Variants in CTNNA3 observed in about 807,000 individuals in gnomAD.
CTNNA3 encodes the protein catenin alpha 3, also known as catenin alpha-3.
In CTNNA3, 76 loss-of-function variants were observed where a neutral mutation model predicts 95.7. That is an observed-to-expected ratio of 0.79 (90% CI 0.66 to 0.96). The LOEUF is 0.96. CTNNA3 is among the 40% of genes least tolerant of loss of function. The probability of loss-of-function intolerance (pLI) is 0.00; values close to 1 mark genes in which losing one functional copy is unlikely to be tolerated. For synonymous variants in CTNNA3, 431 were observed against 374.4 expected, an observed-to-expected ratio of 1.15 and a Z score of -1.74; for missense variants, 1,191 against 1,089.8, an observed-to-expected ratio of 1.09 and a Z score of -1.31.
intron 13 of CTNNA3, among the ~76,000 whole-genome samples, chr10:66,231,263 A>T (rs1022210530): frequency 6.6e-6 from 1 of 152,126 alleles, no homozygotes; most frequent in African/African-American, 2.4e-5. Flanking sequence ...CTTGGCTTGC[A>T]GACAATCCTG....
intron 5 of CTNNA3, among the ~76,000 whole-genome samples, chr10:67,265,583 C>T (rs569659165): frequency 6.6e-6 from 1 of 152,238 alleles, no homozygotes; most frequent in South Asian, 2.1e-4. Flanking sequence ...TGCCCACACA[C>T]ACCTCCCTCC....
chr10:67,646,111 TC>T (rs1212628366), intron 2 of CTNNA3, among the ~76,000 whole-genome samples: 1 of 150,670 alleles, frequency 6.6e-6, no homozygotes, highest in African/African-American at 2.4e-5. Context: ...GTGTTTTTAT[TC>T]TTTTTTTTAA....
At chr10:67,101,223 C>T (rs1858319365) in intron 7 of CTNNA3, among the ~76,000 whole-genome samples, 1 of 151,554 alleles carries the variant, frequency 6.6e-6, no homozygotes, top group African/African-American at 2.4e-5. Flanking sequence ...AGGAAAGAAA[C>T]CCCAAGGAAA....
intron 5 of CTNNA3, among the ~76,000 whole-genome samples, chr10:67,457,547 T>C (rs2132982272): frequency 1.3e-5 from 2 of 152,332 alleles, no homozygotes; most frequent in South Asian, 4.1e-4. Flanking sequence ...AACAGTTTTA[T>C]ATTGATGTTC....
chr10:66,968,532 G>A (rs1046534598), intron 7 of CTNNA3, among the ~76,000 whole-genome samples: 1 of 151,782 alleles, frequency 6.6e-6, no homozygotes, highest in East Asian at 1.9e-4. Flanking sequence ...AAAAAAACGT[G>A]GTTAGAAGCG....
At chr10:67,010,664 C>T (rs552068523) in intron 7 of CTNNA3, among the ~76,000 whole-genome samples, 1 of 152,248 alleles carries the variant, frequency 6.6e-6, no homozygotes, top group Admixed American at 6.5e-5. Context: ...TCAGTAGCTG[C>T]TAGGAATTTT....
At chr10:67,450,459 A>G (rs1846934758) in intron 5 of CTNNA3, among the ~76,000 whole-genome samples, 1 of 152,240 alleles carries the variant, frequency 6.6e-6, no homozygotes, top group Non-Finnish European at 1.5e-5. Context: ...TACAAAAAAG[A>G]ATGAGATCAT....
At chr10:67,734,129 T>C (rs941803073) in intron 1 of CTNNA3, among the ~76,000 whole-genome samples, 3 of 152,282 alleles carry the variant, frequency 2.0e-5, no homozygotes, top group South Asian at 2.1e-4. Flanking sequence ...TTAAATAGCC[T>C]TCCTCTTTTC....
At chr10:65,986,290 A>G (rs559597998) in intron 16 of CTNNA3, among the ~76,000 whole-genome samples, 1 of 147,346 alleles carries the variant, frequency 6.8e-6, no homozygotes, top group Non-Finnish European at 1.5e-5. Context: ...AAATAAAAAT[A>G]TATATACAAA....
chr10:66,471,395 AAATTT>A (rs1302341860), intron 11 of CTNNA3, among the ~76,000 whole-genome samples: 24 of 151,876 alleles, frequency 1.6e-4, no homozygotes, highest in Admixed American at 1.1e-3. Flanking sequence ...TTTCTAACTT[AAATTT>A]AAGTTTTCAA....
At chr10:66,407,618 T>C (rs1006901805) in intron 11 of CTNNA3, among the ~76,000 whole-genome samples, 1 of 151,954 alleles carries the variant, frequency 6.6e-6, no homozygotes, top group African/African-American at 2.4e-5. Flanking sequence ...TCTCGCTCTG[T>C]CACCCGGGCT....
At chr10:66,155,061 C>G (rs568139418) in intron 13 of CTNNA3, among the ~76,000 whole-genome samples, 1 of 151,706 alleles carries the variant, frequency 6.6e-6, no homozygotes, top group Non-Finnish European at 1.5e-5. Flanking sequence ...AGGTGGCAGG[C>G]AATTTGGCCT....
chr10:66,318,000 A>C (rs2092124694), intron 12 of CTNNA3, among the ~76,000 whole-genome samples: 1 of 152,086 alleles, frequency 6.6e-6, no homozygotes, highest in Non-Finnish European at 1.5e-5. Context: ...CAAAATATGA[A>C]AAAGGTGGAA....
At chr10:66,643,012 G>C (rs1005788326) in intron 9 of CTNNA3, among the ~76,000 whole-genome samples, 1 of 152,088 alleles carries the variant, frequency 6.6e-6, no homozygotes, top group Non-Finnish European at 1.5e-5. Context: ...TAGATACATA[G>C]ATACACATAT....
Position 67,607,013 on chromosome 10 carries a change from TGG to T in CTNNA3, c.134_135del (p.Ser45Ter). The T allele has an allele frequency of 6.2e-7, 1 of 1,614,084 alleles. No homozygotes were observed. Among genetic ancestry groups the T allele is most frequent in the Non-Finnish European group, 8.5e-7 (1 of 1,179,982 alleles). Reference sequence around the variant, plus strand: ...CTTTTCGAACGTCCTTTTTTCCTGCTGGAAGGGTTCTGGGGACAGTTTACAAG... The same window carrying T: ...CTTTTCGAACGTCCTTTTTTCCTGCTAAGGGTTCTGGGGACAGTTTACAAG... ...TTLVNCPQNPSSRKKGRSKRA... is the reference protein window; with the variant it reads ...TTLVNCPQNPXSRKKGRSKRA... On this transcript the variant is annotated frameshift_variant, in exon 3 of 18. Transcript: ENST00000433211. LOFTEE classifies it high-confidence loss of function.
At chr10:67,567,548 T>C (rs570587300) in intron 3 of CTNNA3, among the ~76,000 whole-genome samples, 6 of 152,136 alleles carry the variant, frequency 3.9e-5, no homozygotes, top group African/African-American at 7.2e-5. Context: ...ATGTAATCTA[T>C]GCAAGTAATA....
intron 5 of CTNNA3, among the ~76,000 whole-genome samples, chr10:67,492,818 C>T: frequency 6.6e-6 from 1 of 152,150 alleles, no homozygotes; most frequent in East Asian, 1.9e-4. Context: ...ATACTTACAT[C>T]CACCCAACAA....
chr10:66,399,561 TA>T (rs2093004315), intron 11 of CTNNA3, among the ~76,000 whole-genome samples: 1 of 151,938 alleles, frequency 6.6e-6, no homozygotes, highest in South Asian at 2.1e-4. Flanking sequence ...TTAAAGGAAC[TA>T]AATAAGAACT....
intron 10 of CTNNA3, among the ~76,000 whole-genome samples, chr10:66,586,265 A>T (rs981571986): frequency 6.6e-6 from 1 of 152,154 alleles, no homozygotes; most frequent in Non-Finnish European, 1.5e-5. Context: ...GTGCCCACAG[A>T]TAAACACAGG....
Sources: gnomAD v4.1 joint callset for allele counts (sites outside exome capture counted in the v4.1 genomes callset) on GRCh38, gnomAD v4.1.1 for gene constraint, MANE v1.5 for transcripts, NCBI Gene and HGNC (gene_info 2026-07-23, HGNC 2026-07-21) for gene names.